Variants in ROBO1 observed in about 807,000 individuals in gnomAD.
ROBO1 encodes roundabout guidance receptor 1.
In ROBO1, 149 loss-of-function variants were observed where a neutral mutation model predicts 195.9. The ratio of observed to expected loss-of-function variants is 0.76; its 90% confidence interval spans 0.67 to 0.87. The LOEUF (loss-of-function observed/expected upper bound fraction) is 0.87. Among genes scored for constraint, ROBO1 ranks in the 40% least tolerant of loss-of-function variants. The probability of loss-of-function intolerance (pLI) is 0.00; values close to 1 mark genes in which losing one functional copy is unlikely to be tolerated. For missense variants in ROBO1, 1,933 were observed against 2,068.3 expected, an observed-to-expected ratio of 0.93 and a Z score of 1.27; for synonymous variants, 816 against 733.2, an observed-to-expected ratio of 1.11 and a Z score of -1.82.
chr3:78,902,471 T>G (rs1389858747), intron 4 of ROBO1, among the ~76,000 whole-genome samples: 1 of 152,158 alleles, frequency 6.6e-6, no homozygotes, highest in African/African-American at 2.4e-5. Flanking sequence ...TAAGTATGCT[T>G]CAAACTGCAA....
chr3:78,680,322 A>T (rs985714473), intron 10 of ROBO1, among the ~76,000 whole-genome samples: 5 of 152,196 alleles, frequency 3.3e-5, no homozygotes, highest in Non-Finnish European at 7.3e-5. Context: ...AAAAGTCAAA[A>T]TTGACAAATG....
At chr3:79,521,675 C>T (rs1362788354) in intron 2 of ROBO1, among the ~76,000 whole-genome samples, 2 of 152,270 alleles carry the variant, frequency 1.3e-5, no homozygotes, top group Middle Eastern at 3.4e-3. Flanking sequence ...ACTTATTTAG[C>T]TTCAAATAAA....
chr3:78,818,292 G>A (rs2030372024), intron 4 of ROBO1, among the ~76,000 whole-genome samples: 1 of 152,154 alleles, frequency 6.6e-6, no homozygotes, highest in Non-Finnish European at 1.5e-5. Context: ...TGTGGGGATT[G>A]TGAGGCCAGT....
intron 5 of ROBO1, among the ~76,000 whole-genome samples, chr3:78,722,037 C>T (rs2082056704): frequency 1.3e-5 from 2 of 151,908 alleles, no homozygotes; most frequent in South Asian, 4.2e-4. Flanking sequence ...TCAAAGACAG[C>T]TATAAAGGCC....
intron 2 of ROBO1, among the ~76,000 whole-genome samples, chr3:79,395,340 AAAAGAAAG>A (rs71127382): frequency 0.039 from 4,604 of 118,506 alleles, 99 homozygotes; most frequent in Non-Finnish European, 0.059. Context: ...AAAAAAAAAA[AAAAGAAAG>A]AAAGAAAGAA....
intron 1 of ROBO1, among the ~76,000 whole-genome samples, chr3:79,725,767 C>A (rs1702897227): frequency 6.6e-6 from 1 of 152,100 alleles, no homozygotes; most frequent in Non-Finnish European, 1.5e-5. Context: ...AGCATCTTTA[C>A]TGATAAGCTT....
At chr3:78,877,084 G>C (rs2035897144) in intron 4 of ROBO1, among the ~76,000 whole-genome samples, 1 of 152,096 alleles carries the variant, frequency 6.6e-6, no homozygotes, top group Admixed American at 6.6e-5. Context: ...CTGACATGTA[G>C]TAGCCAGTGA....
At chr3:78,696,711 T>C (rs1575957507) in intron 8 of ROBO1, among the ~76,000 whole-genome samples, 1 of 147,466 alleles carries the variant, frequency 6.8e-6, no homozygotes, top group Admixed American at 6.8e-5. Flanking sequence ...CACATATATA[T>C]ACACGTATAT....
intron 2 of ROBO1, among the ~76,000 whole-genome samples, chr3:79,522,252 T>G (rs1389455899): frequency 1.3e-5 from 2 of 152,174 alleles, no homozygotes; most frequent in African/African-American, 4.8e-5. Flanking sequence ...TGCTATCTGT[T>G]GTTTTTCTGC....
chr3:79,142,312 TC>T lies in ROBO1; in HGVS notation c.89-16774del, dbSNP rs1311484368. ...GCACCAATGTTTTTGGCTGAAGAAGTCTATTAATTACTGGTGGTCAACAGTA... is the reference window on the plus strand; with the variant it reads ...GCACCAATGTTTTTGGCTGAAGAAGTTATTAATTACTGGTGGTCAACAGTA... On this transcript the variant is annotated intron_variant, in intron 2 of 30. Coordinates refer to ENST00000464233, the MANE Select transcript of ROBO1 (RefSeq NM_002941.4). Among the ~76,000 whole-genome samples the T allele has an allele frequency of 3.9e-5, 6 of 152,254 alleles. No individual in the cohort carries two copies. In the South Asian group the frequency reaches 1.2e-3, roughly 32 times the overall value.
At chr3:79,474,138 C>T (rs751349464) in intron 2 of ROBO1, among the ~76,000 whole-genome samples, 13 of 152,040 alleles carry the variant, frequency 8.6e-5, no homozygotes, top group Non-Finnish European at 1.8e-4. Flanking sequence ...AACAGATGAC[C>T]TCATGCTCTT....
rs549438218 is a variant in ROBO1 at position 79,392,899 on chromosome 3, A to G, written c.88+196925T>C. The stretch of plus-strand genomic sequence containing the variant: ...TATTGAGATTTCAAGAAATTAAATG[A>G]GTTGCCCAAGGTCACAAATTATGAA... On this transcript the variant is annotated intron_variant, in intron 2 of 30. Coordinates refer to ENST00000464233, the MANE Select transcript of ROBO1 (RefSeq NM_002941.4). Among the ~76,000 whole-genome samples, 5 of 152,374 alleles carry G rather than the reference A, an allele frequency of 3.3e-5. No individual in the cohort carries two copies. The South Asian group carries it at 1.0e-3, about 32-fold the overall frequency.
chr3:78,956,607 A>G (rs2041062600), intron 3 of ROBO1, among the ~76,000 whole-genome samples: 2 of 152,226 alleles, frequency 1.3e-5, no homozygotes, highest in African/African-American at 4.8e-5. Flanking sequence ...TGAATAATCA[A>G]TAATAATGGA....
intron 10 of ROBO1, among the ~76,000 whole-genome samples, chr3:78,683,673 T>C (rs75925410): frequency 0.015 from 2,283 of 152,140 alleles, 44 homozygotes; most frequent in African/African-American, 0.052. Context: ...TGCAATTCAG[T>C]GGAGAAAGGA....
At chr3:79,468,284 C>T (rs757637169) in intron 2 of ROBO1, among the ~76,000 whole-genome samples, 5 of 152,144 alleles carry the variant, frequency 3.3e-5, no homozygotes, top group African/African-American at 9.7e-5. Context: ...TTCTAAGCCT[C>T]TTAGAGATTA....
At chr3:78,759,481 A>G (rs1346812922) in intron 4 of ROBO1, 2 of 152,184 alleles carry the variant, frequency 1.3e-5, no homozygotes, top group Admixed American at 1.3e-4. Flanking sequence ...GTTAAAAAAT[A>G]AAATCATTTT....
chr3:79,136,330 T>G (rs1164103421), intron 2 of ROBO1, among the ~76,000 whole-genome samples: 3 of 152,166 alleles, frequency 2.0e-5, no homozygotes, highest in Non-Finnish European at 4.4e-5. Context: ...CAGTTATGTA[T>G]AATAAAAACA....
intron 2 of ROBO1, among the ~76,000 whole-genome samples, chr3:79,243,706 G>A (rs926335727): frequency 6.6e-6 from 1 of 152,094 alleles, no homozygotes; most frequent in African/African-American, 2.4e-5. Flanking sequence ...ATTTGTTTGA[G>A]TTCATCGTAG....
chr3:79,436,349 AT>A (rs62797160), intron 2 of ROBO1, among the ~76,000 whole-genome samples: 50,190 of 149,962 alleles, frequency 0.33, 9,753 homozygotes, highest in Admixed American at 0.48. Context: ...TTTGATTTGT[AT>A]TTTTTTTTTG....
Sources: gnomAD v4.1 joint callset for allele counts (sites outside exome capture counted in the v4.1 genomes callset) on GRCh38, gnomAD v4.1.1 for gene constraint, MANE v1.5 for transcripts, NCBI Gene and HGNC (gene_info 2026-07-23, HGNC 2026-07-21) for gene names.